Variants in PDXDC1 observed in about 807,000 individuals in gnomAD.
PDXDC1 encodes the protein pyridoxal dependent decarboxylase domain containing 1.
In PDXDC1, 42 loss-of-function variants were observed where a neutral mutation model predicts 100.1. That is an observed-to-expected ratio of 0.42 (90% CI 0.33 to 0.54). The LOEUF (loss-of-function observed/expected upper bound fraction) is 0.54. Ranked by LOEUF, PDXDC1 falls within the 20% of genes least tolerant of loss-of-function variation. The pLI, the probability that PDXDC1 is intolerant of heterozygous loss-of-function variation, is 0.10. For missense variants in PDXDC1, 636 were observed against 979.2 expected, an observed-to-expected ratio of 0.65 and a Z score of 4.68; for synonymous variants, 260 against 371.7, an observed-to-expected ratio of 0.70 and a Z score of 3.46.
In PDXDC1 at chr16:15,080,180, C is replaced by T. The variant is rs1267372441; in HGVS notation, c.1399+50124C>T. 12 of 1,466,272 alleles carry T rather than the reference C, an allele frequency of 8.2e-6. No individual in the cohort carries two copies. In the East Asian group the frequency reaches 1.3e-4, roughly 16 times the overall value. 90.8% of individuals were successfully genotyped at this position (1,466,272 alleles called of 1,614,324 possible). A position where few individuals can be genotyped will look rare whatever the true frequency, so the allele number is the denominator to read the frequency against. ...GTAAGCAAAACATCAATTACATGAC[C>T]TTTAGTTTCAAATATTTAAAAAGAA... On this transcript the variant is annotated intron_variant, in intron 16 of 16. Coordinates refer to the PDXDC1 transcript ENST00000535621.
At chr16:15,033,587 C>A (rs900912057) in intron 19 of PDXDC1, among the ~76,000 whole-genome samples, 188 bp downstream of exon 19, 11 of 152,180 alleles carry the variant, frequency 7.2e-5, no homozygotes, top group Non-Finnish European at 1.2e-4. Flanking sequence ...AGCCCATGCC[C>A]CAGTGATCTC....
At chr16:15,079,099 C>A (rs2045588797) in intron 16 of PDXDC1, among the ~76,000 whole-genome samples, 1 of 152,094 alleles carries the variant, frequency 6.6e-6, no homozygotes, top group Non-Finnish European at 1.5e-5. Flanking sequence ...CGTGAGCCAC[C>A]ACGCCCGGCC....
chr16:15,056,310 G>GGAGCAGCTGCACCAGCCAAGA (rs2044519988), intron 16 of PDXDC1, among the ~76,000 whole-genome samples: 1 of 152,226 alleles, frequency 6.6e-6, no homozygotes, highest in Non-Finnish European at 1.5e-5. Flanking sequence ...GAGCTGCCAG[G>GGAGCAGCTGCACCAGCCAAGA]GAGCAGCTGC....
chr16:14,987,769 G>A (rs1262287220), intron 1 of PDXDC1, among the ~76,000 whole-genome samples: 14 of 152,242 alleles, frequency 9.2e-5, no homozygotes, highest in Non-Finnish European at 1.6e-4. Flanking sequence ...CCCCCACCAC[G>A]CCTGGCTAAT....
downstream of PDXDC1, chr16:15,038,414 C>T (rs1313557715): frequency 1.6e-6 from 1 of 622,840 alleles, no homozygotes; most frequent in Non-Finnish European, 2.8e-6. Flanking sequence ...GACATATCCC[C>T]ATTTGATATA....
chr16:15,077,618 G>A (rs564287651), intron 16 of PDXDC1, among the ~76,000 whole-genome samples: 1 of 152,188 alleles, frequency 6.6e-6, no homozygotes, highest in Non-Finnish European at 1.5e-5. Context: ...GAGGTGGACG[G>A]ATCATGAGGT....
At chr16:14,986,935 C>T (rs1261670728) in intron 1 of PDXDC1, among the ~76,000 whole-genome samples, 14 of 152,378 alleles carry the variant, frequency 9.2e-5, no homozygotes, top group South Asian at 4.1e-4. Flanking sequence ...TTAGTAGAGA[C>T]GGGGTTTCAC....
intron 1 of PDXDC1, among the ~76,000 whole-genome samples, chr16:14,982,879 A>G (rs1309130494): frequency 6.6e-6 from 1 of 152,264 alleles, no homozygotes; most frequent in Non-Finnish European, 1.5e-5. Flanking sequence ...GCAGAGATGA[A>G]GGTTGAATGA....
At chr16:15,061,716 G>A (rs755635841) in intron 16 of PDXDC1, 5 of 1,595,176 alleles carry the variant, frequency 3.1e-6, no homozygotes, top group Middle Eastern at 3.7e-4. Context: ...AATCCCAAAT[G>A]TCACATCTCA....
intron 16 of PDXDC1, among the ~76,000 whole-genome samples, chr16:15,128,995 G>A (rs1201336490): frequency 3.3e-5 from 5 of 150,490 alleles, no homozygotes; most frequent in African/African-American, 9.7e-5. Flanking sequence ...TTTTAGTAGA[G>A]ACAGGGTTTC....
chr16:15,053,772 G>A (rs998998807), intron 16 of PDXDC1, among the ~76,000 whole-genome samples: 1 of 152,118 alleles, frequency 6.6e-6, no homozygotes, highest in African/African-American at 2.4e-5. Context: ...TTAGCTGGGT[G>A]TGGTGGCATG....
downstream of PDXDC1, among the ~76,000 whole-genome samples, chr16:15,140,718 G>A (rs909676707): frequency 2.0e-5 from 3 of 152,016 alleles, no homozygotes; most frequent in Non-Finnish European, 4.4e-5. Context: ...GAGAGCTGGG[G>A]CAAACCGAGA....
At chr16:15,109,562 G>A (rs2046946030) in intron 16 of PDXDC1, among the ~76,000 whole-genome samples, 1 of 139,268 alleles carries the variant, frequency 7.2e-6, no homozygotes, top group Non-Finnish European at 1.5e-5. Context: ...GAGGCTGAGG[G>A]ATAAGAATCG....
intron 12 of PDXDC1, among the ~76,000 whole-genome samples, chr16:15,021,783 T>C (rs952484751): frequency 3.9e-5 from 6 of 152,290 alleles, no homozygotes; most frequent in Admixed American, 2.0e-4. Context: ...CAGTGGAGCA[T>C]ACATTTCCTG....
intron 16 of PDXDC1, chr16:15,094,485 C>A: frequency 1.8e-6 from 1 of 550,092 alleles, no homozygotes; most frequent in Non-Finnish European, 3.2e-6. Context: ...TCCATCCAGC[C>A]CTGAGGATCC....
At position 15,036,425 on chromosome 16, in the gene PDXDC1, G is replaced by A; in HGVS notation, c.*150G>A. ...GCACAAATATGTGCCTGAAAGGTAG[G>A]CTTTCTAGGAGGGGAGTCAGCTTGT... On this transcript the variant is annotated 3_prime_UTR_variant, in exon 23 of 23. Coordinates refer to ENST00000396410, the MANE Select transcript of PDXDC1 (RefSeq NM_015027.4). 2.7e-6 allele frequency: 2 copies of A among 736,084 alleles called. No homozygotes were observed. The highest frequency in any genetic ancestry group is 3.0e-5 in the Admixed American group (1 of 33,294). 45.6% of individuals were successfully genotyped at this position (736,084 alleles called of 1,614,324 possible).
chr16:15,101,441 CA>C (rs1314460390), intron 16 of PDXDC1, among the ~76,000 whole-genome samples: 2 of 152,176 alleles, frequency 1.3e-5, no homozygotes, highest in Non-Finnish European at 2.9e-5. Flanking sequence ...CTCAGCCTCC[CA>C]AGTAGCTGGA....
Position 15,036,024 on chromosome 16 carries a change from C to CCTT in PDXDC1, c.2117_2119dup (p.Pro706_Phe707insSer), listed in dbSNP as rs1382003574. On this transcript the variant is annotated inframe_insertion, in exon 23 of 23. Coordinates refer to ENST00000396410, the MANE Select transcript of PDXDC1 (RefSeq NM_015027.4). ...GTCTGCCCTTTCTGTAGGCCAGAAGCCTTTTAAAAGGTCCCTGCGAGGTTC... is the reference window on the plus strand; with the variant it reads ...GTCTGCCCTTTCTGTAGGCCAGAAGCCTTCTTTTAAAAGGTCCCTGCGAGGTTC... 1.9e-6 allele frequency: 3 copies of CCTT among 1,612,410 alleles called. No individual in the cohort carries two copies. Among genetic ancestry groups the CCTT allele is most frequent in the Non-Finnish European group, 2.5e-6 (3 of 1,179,206 alleles).
intron 1 of PDXDC1, among the ~76,000 whole-genome samples, chr16:14,979,031 G>T (rs1597239882): frequency 6.6e-6 from 1 of 152,408 alleles, no homozygotes; most frequent in East Asian, 1.9e-4. Context: ...CCAAGGGGTA[G>T]AGGGAATTGC....
Sources: gnomAD v4.1 joint callset for allele counts (sites outside exome capture counted in the v4.1 genomes callset) on GRCh38, gnomAD v4.1.1 for gene constraint, MANE v1.5 for transcripts, NCBI Gene and HGNC (gene_info 2026-07-23, HGNC 2026-07-21) for gene names.